PCDHA6: variants seen among roughly 807,000 people sequenced by gnomAD.
PCDHA6 encodes protocadherin alpha-6.
A neutral mutation model predicts 60.3 loss-of-function variants in PCDHA6; 55 were observed. That is an observed-to-expected ratio of 0.91 (90% CI 0.73 to 1.14). The LOEUF (loss-of-function observed/expected upper bound fraction) is 1.14, where lower values mean the gene tolerates loss of function less well. Among genes scored for constraint, PCDHA6 ranks in the 50% most tolerant of loss-of-function variants. The pLI, the probability that PCDHA6 is intolerant of heterozygous loss-of-function variation, is 0.00. For missense variants in PCDHA6, 1,327 were observed against 1,256.5 expected, an observed-to-expected ratio of 1.06 and a Z score of -0.85; for synonymous variants, 652 against 557.9, an observed-to-expected ratio of 1.17 and a Z score of -2.38.
At chr5:140,921,379 T>C (rs1186418255) in intron 1 of PCDHA6, among the ~76,000 whole-genome samples, 1 of 152,180 alleles carries the variant, frequency 6.6e-6, no homozygotes, top group Non-Finnish European at 1.5e-5. Context: ...TTTCTACATA[T>C]TTGATAAACA....
chr5:140,884,120 G>C, intron 1 of PCDHA6: 2 of 1,613,324 alleles, frequency 1.2e-6, no homozygotes, highest in South Asian at 2.2e-5. Flanking sequence ...GGCGGTCGGC[G>C]CGCGCATCCC....
At chr5:141,007,299 T>C (rs550659664) in intron 3 of PCDHA6, among the ~76,000 whole-genome samples, 9 of 151,686 alleles carry the variant, frequency 5.9e-5, no homozygotes, top group African/African-American at 2.2e-4. Context: ...GCCTGTAATC[T>C]TAGCATTTTG....
intron 2 of PCDHA6, among the ~76,000 whole-genome samples, chr5:140,979,721 C>T (rs2153819868): frequency 6.6e-6 from 1 of 152,290 alleles, no homozygotes; most frequent in East Asian, 1.9e-4. Context: ...GTATCCATGC[C>T]ATGGGGCCAA....
In PCDHA6 at chr5:140,829,890, A is replaced by G; in HGVS notation, c.1799A>G (p.Asp600Gly). ...GCGAAGGTGCGCGCAGTTGACGCCGACTCAGGCTACAACGCGTGGCTTTCG... is the reference window on the plus strand; with the variant it reads ...GCGAAGGTGCGCGCAGTTGACGCCGGCTCAGGCTACAACGCGTGGCTTTCG... ...VVAKVRAVDA[D>G]SGYNAWLSYE... Residue 600 changes from aspartate to glycine, a missense_variant, in exon 1 of 4, where the codon GAC becomes GGC. Physicochemically the swap from Asp to Gly is moderately conservative, Grantham distance 94. Transcript: ENST00000529310. 4 of 1,613,880 alleles carry G rather than the reference A, an allele frequency of 2.5e-6. No homozygotes were observed. The highest frequency in any genetic ancestry group is 3.4e-6 in the Non-Finnish European group (4 of 1,179,860).
At chr5:140,902,575 T>A (rs1200474088) in intron 1 of PCDHA6, among the ~76,000 whole-genome samples, 1 of 152,082 alleles carries the variant, frequency 6.6e-6, no homozygotes, top group Non-Finnish European at 1.5e-5. Flanking sequence ...TTTTTAAGAT[T>A]TCAATAGTTT....
intron 1 of PCDHA6, among the ~76,000 whole-genome samples, chr5:140,945,069 A>G (rs550774069): frequency 6.6e-6 from 1 of 152,278 alleles, no homozygotes; most frequent in East Asian, 1.9e-4. Context: ...TACAGACTCC[A>G]CCAAAACACT....
At chr5:140,853,785 C>A in intron 1 of PCDHA6, 1 of 987,514 alleles carries the variant, frequency 1.0e-6, no homozygotes. Flanking sequence ...GTAGTAAGAG[C>A]AAATTTTCAT....
chr5:140,939,900 A>G (rs916984176), intron 1 of PCDHA6, among the ~76,000 whole-genome samples: 5 of 152,150 alleles, frequency 3.3e-5, no homozygotes, highest in Admixed American at 3.3e-4. Flanking sequence ...AATATTCTGC[A>G]TTCTTTTTTA....
At chr5:140,882,950 C>A in intron 1 of PCDHA6, 1 of 1,614,216 alleles carries the variant, frequency 6.2e-7, no homozygotes, top group Non-Finnish European at 8.5e-7. Context: ...CACAGTTCAG[C>A]TGCTCATCAC....
chr5:140,979,088 A>G, intron 2 of PCDHA6, 81 bp downstream of exon 2: 1 of 1,559,594 alleles, frequency 6.4e-7, no homozygotes, highest in Non-Finnish European at 8.7e-7. Flanking sequence ...ATAGGCCAGA[A>G]GCAGCTGTCA....
chr5:140,922,830 A>G (rs2081013341), intron 1 of PCDHA6, among the ~76,000 whole-genome samples: 1 of 152,264 alleles, frequency 6.6e-6, no homozygotes, highest in Admixed American at 6.5e-5. Context: ...TACTGCTAAT[A>G]GATGTCCTCA....
intron 1 of PCDHA6, chr5:140,853,175 G>A: frequency 1.0e-6 from 1 of 970,848 alleles, no homozygotes. Flanking sequence ...CACCGCGCCT[G>A]GCCTAAAATG....
chr5:140,933,715 G>C (rs1292658358), intron 1 of PCDHA6, among the ~76,000 whole-genome samples: 1 of 151,902 alleles, frequency 6.6e-6, no homozygotes, highest in Non-Finnish European at 1.5e-5. Flanking sequence ...ACTGAGATTG[G>C]TGATACAGCT....
rs966554278 is a variant in PCDHA6 at position 140,906,071 on chromosome 5, G to A, written c.2395-72878G>A. On this transcript the variant is annotated intron_variant, in intron 1 of 3. Coordinates refer to ENST00000529310, the MANE Select transcript of PCDHA6 (RefSeq NM_018909.4). ...GGCTGCACTGGCAGCTGATTAGATCGCACCCACCCAGACTGAGAGTAAGTG... is the reference window on the plus strand; with the variant it reads ...GGCTGCACTGGCAGCTGATTAGATCACACCCACCCAGACTGAGAGTAAGTG... 9.2e-5 allele frequency among the ~76,000 whole-genome samples: 14 copies of A among 152,200 alleles called. 1 individual carries two copies. The highest frequency in any genetic ancestry group is 3.9e-4 in the Admixed American group (6 of 15,286).
intron 1 of PCDHA6, among the ~76,000 whole-genome samples, chr5:140,833,519 A>G (rs1287157587): frequency 6.6e-6 from 1 of 152,228 alleles, no homozygotes; most frequent in African/African-American, 2.4e-5. Flanking sequence ...GCATATATTC[A>G]TAACACACAA....
chr5:140,869,853 C>A (rs1408875478), intron 1 of PCDHA6: 1 of 1,610,606 alleles, frequency 6.2e-7, no homozygotes, highest in Admixed American at 1.7e-5. Context: ...ATAAGGTGAG[C>A]CTTATGGAAA....
At chr5:140,845,376 G>A (rs1779847129) in intron 1 of PCDHA6, among the ~76,000 whole-genome samples, 1 of 149,336 alleles carries the variant, frequency 6.7e-6, no homozygotes, top group Non-Finnish European at 1.5e-5. Context: ...ATCATAAATA[G>A]GAGGATTCTT....
intron 1 of PCDHA6, among the ~76,000 whole-genome samples, chr5:140,890,293 A>G (rs1423277316): frequency 6.6e-6 from 1 of 152,196 alleles, no homozygotes; most frequent in African/African-American, 2.4e-5. Flanking sequence ...AGTCAGAACC[A>G]GGAGAGGTAA....
chr5:140,835,875 C>T (rs1356053208), intron 1 of PCDHA6: 3 of 1,611,846 alleles, frequency 1.9e-6, no homozygotes, highest in African/African-American at 2.7e-5. Flanking sequence ...GGTGGAGCTG[C>T]GGGTGGGCGA....
Sources: allele counts gnomAD v4.1 joint callset (sites outside exome capture counted in the v4.1 genomes callset), GRCh38; gene constraint gnomAD v4.1.1; transcripts MANE v1.5; gene names NCBI Gene and HGNC (gene_info 2026-07-23, HGNC 2026-07-21).